SLC35F1: variants seen among roughly 807,000 people sequenced by gnomAD.
The protein encoded by SLC35F1 is solute carrier family 35 member F1.
In SLC35F1, 14 loss-of-function variants were observed where a neutral mutation model predicts 48.7. The ratio of observed to expected loss-of-function variants is 0.29; its 90% CI spans 0.19 to 0.45. The LOEUF (loss-of-function observed/expected upper bound fraction) is 0.45, where lower values mean the gene tolerates loss of function less well. Among genes scored for constraint, SLC35F1 ranks in the 20% least tolerant of loss-of-function variants. The probability of loss-of-function intolerance (pLI) is 1.00; values close to 1 mark genes in which losing one functional copy is unlikely to be tolerated. For synonymous variants in SLC35F1, 190 were observed against 202.2 expected (o/e 0.94, Z 0.51); for missense variants, 404 against 500.0 (o/e 0.81, Z 1.83).
chr6:118,108,119 G>A (rs560353529), intron 1 of SLC35F1, among the ~76,000 whole-genome samples: 11 of 152,172 alleles, frequency 7.2e-5, no homozygotes, highest in South Asian at 2.1e-4. Flanking sequence ...TCTACTGTAC[G>A]TTGTAATTCT....
chr6:118,253,838 G>A (rs1246424737), intron 3 of SLC35F1, among the ~76,000 whole-genome samples: 2 of 152,020 alleles, frequency 1.3e-5, no homozygotes, highest in Non-Finnish European at 2.9e-5. Flanking sequence ...AGGAATGAAT[G>A]GAACCAAGAT....
At chr6:118,183,548 A>G (rs1774613982) in intron 2 of SLC35F1, among the ~76,000 whole-genome samples, 1 of 152,154 alleles carries the variant, frequency 6.6e-6, no homozygotes, top group Non-Finnish European at 1.5e-5. Flanking sequence ...GAAAAATTGC[A>G]TAGAACTCAT....
chr6:117,967,664 A>C (rs1409662518), intron 1 of SLC35F1, among the ~76,000 whole-genome samples: 1 of 152,192 alleles, frequency 6.6e-6, no homozygotes, highest in Non-Finnish European at 1.5e-5. Flanking sequence ...GTCCATTGAA[A>C]TAAATAAGCC....
intron 1 of SLC35F1, among the ~76,000 whole-genome samples, chr6:118,126,273 C>T (rs1377031510): frequency 6.6e-6 from 1 of 152,092 alleles, no homozygotes; most frequent in African/African-American, 2.4e-5. Flanking sequence ...AATAACCTGC[C>T]ATAGATCAGA....
chr6:118,267,987 T>C (rs1775799838), intron 4 of SLC35F1, among the ~76,000 whole-genome samples: 1 of 152,198 alleles, frequency 6.6e-6, no homozygotes, highest in Non-Finnish European at 1.5e-5. Flanking sequence ...CCCACTTTTC[T>C]ATAGTTCTTG....
At chr6:117,931,311 G>A (rs912774109) in intron 1 of SLC35F1, among the ~76,000 whole-genome samples, 2 of 152,118 alleles carry the variant, frequency 1.3e-5, no homozygotes, top group South Asian at 4.1e-4. Flanking sequence ...TCAATAAAGT[G>A]GTTACAAAAA....
At chr6:118,197,481 G>A (rs774395896) in intron 2 of SLC35F1, among the ~76,000 whole-genome samples, 12 of 152,162 alleles carry the variant, frequency 7.9e-5, no homozygotes, top group Non-Finnish European at 1.2e-4. Flanking sequence ...AAAGTACAGA[G>A]GCTCAGACAA....
intron 1 of SLC35F1, among the ~76,000 whole-genome samples, chr6:117,978,514 A>T (rs1562253763): frequency 6.6e-6 from 1 of 152,154 alleles, no homozygotes; most frequent in Non-Finnish European, 1.5e-5. Flanking sequence ...AGTGCTGTTT[A>T]TCTTCAATAC....
intron 2 of SLC35F1, among the ~76,000 whole-genome samples, chr6:118,173,281 G>A (rs1368444892): frequency 1.3e-5 from 2 of 150,718 alleles, no homozygotes; most frequent in African/African-American, 4.9e-5. Flanking sequence ...AAACCTAAAT[G>A]TACAAAACTC....
At chr6:118,142,929 A>C (rs1318984310) in intron 1 of SLC35F1, among the ~76,000 whole-genome samples, 1 of 152,154 alleles carries the variant, frequency 6.6e-6, no homozygotes. Flanking sequence ...GTCTTCTAAA[A>C]TGAGGCATAA....
At chr6:118,281,426 C>A (rs1775983705) in intron 6 of SLC35F1, among the ~76,000 whole-genome samples, 1 of 152,144 alleles carries the variant, frequency 6.6e-6, no homozygotes, top group Admixed American at 6.5e-5. Context: ...TTTACCCTTT[C>A]CTCTGCTCTG....
chr6:118,067,526 G>C (rs1222003189), intron 1 of SLC35F1, among the ~76,000 whole-genome samples: 1 of 152,162 alleles, frequency 6.6e-6, no homozygotes, highest in African/African-American at 2.4e-5. Context: ...GGTGTGCTTA[G>C]CGTGATGCAA....
chr6:117,982,326 A>G (rs1776790938), intron 1 of SLC35F1, among the ~76,000 whole-genome samples: 1 of 152,198 alleles, frequency 6.6e-6, no homozygotes, highest in Non-Finnish European at 1.5e-5. Context: ...ACTGAATTGC[A>G]GATGGTATGA....
At chr6:118,129,925 G>A (rs988549395) in intron 1 of SLC35F1, among the ~76,000 whole-genome samples, 10 of 152,184 alleles carry the variant, frequency 6.6e-5, no homozygotes, top group African/African-American at 2.2e-4. Flanking sequence ...CACTGGGTAA[G>A]TGTCATTCAT....
At chr6:118,276,836 G>A (rs191023676) in intron 5 of SLC35F1, among the ~76,000 whole-genome samples, 3 of 152,254 alleles carry the variant, frequency 2.0e-5, no homozygotes, top group Non-Finnish European at 4.4e-5. Context: ...TGGCACTAGG[G>A]TGTCCTTGGC....
chr6:118,191,461 A>G (rs1387453897), intron 2 of SLC35F1, among the ~76,000 whole-genome samples: 1 of 152,208 alleles, frequency 6.6e-6, no homozygotes, highest in Non-Finnish European at 1.5e-5. Context: ...AGCTGTTCAC[A>G]TCAAGGATAC....
chr6:118,045,468 AG>A (rs575325839), intron 1 of SLC35F1, among the ~76,000 whole-genome samples: 12 of 152,336 alleles, frequency 7.9e-5, no homozygotes, highest in African/African-American at 1.4e-4. Context: ...GAGCTGCTAC[AG>A]AAGCTCTGAA....
intron 1 of SLC35F1, among the ~76,000 whole-genome samples, chr6:118,136,479 A>G (rs922871667): frequency 2.0e-5 from 3 of 152,108 alleles, no homozygotes; most frequent in Non-Finnish European, 4.4e-5. Context: ...TATTTCTTTT[A>G]GTTTCCAATT....
intron 1 of SLC35F1, among the ~76,000 whole-genome samples, chr6:117,921,124 C>G (rs1293524446): frequency 6.6e-6 from 1 of 151,782 alleles, no homozygotes; most frequent in Admixed American, 6.6e-5. Context: ...GATAGTCTTT[C>G]ACTTAATTGA....
Sources: allele counts gnomAD v4.1 joint callset (sites outside exome capture counted in the v4.1 genomes callset), GRCh38; gene constraint gnomAD v4.1.1; transcripts MANE v1.5; gene names NCBI Gene and HGNC (gene_info 2026-07-23, HGNC 2026-07-21).